Variants in NRAP observed in about 807,000 individuals in gnomAD.
NRAP encodes nebulin related anchoring protein.
NRAP carries 189 observed loss-of-function variants against 225.9 expected under a neutral mutation model. The observed-to-expected ratio is 0.84, with a 90% CI of 0.74 to 0.94. NRAP has a LOEUF of 0.94. NRAP is among the 40% of genes least tolerant of loss of function. The pLI is 0.00. For synonymous variants in NRAP, 769 were observed against 790.7 expected, an observed-to-expected ratio of 0.97 and a Z score of 0.46; for missense variants, 2,176 against 2,168.7, an observed-to-expected ratio of 1.00 and a Z score of -0.07.
intron 12 of NRAP, among the ~76,000 whole-genome samples, chr10:113,642,324 AT>A (rs1231991943): frequency 6.6e-6 from 1 of 152,186 alleles, no homozygotes; most frequent in Non-Finnish European, 1.5e-5. Flanking sequence ...AAGCCACTAC[AT>A]TTATGCAAAA....
intron 14 of NRAP, among the ~76,000 whole-genome samples, chr10:113,638,007 G>A (rs891529553): frequency 2.6e-5 from 4 of 152,124 alleles, no homozygotes; most frequent in African/African-American, 9.7e-5. Context: ...TGGACATGGG[G>A]TGTGTAGAGA....
intron 31 of NRAP, 132 bp from the exon 32 acceptor site, chr10:113,608,644 G>A (rs1847143107): frequency 1.6e-6 from 1 of 641,442 alleles, no homozygotes; most frequent in Non-Finnish European, 2.8e-6. Context: ...CCAGAATCCA[G>A]ATTGTCACCT....
At chr10:113,607,996 C>T (rs1847098966) in intron 32 of NRAP, among the ~76,000 whole-genome samples, 1 of 152,216 alleles carries the variant, frequency 6.6e-6, no homozygotes, top group Non-Finnish European at 1.5e-5. Flanking sequence ...CACAAATCCT[C>T]CCACATCAGA....
At chr10:113,629,501 T>C (rs777445968) in intron 19 of NRAP, 87 bp downstream of exon 19, 12 of 926,114 alleles carry the variant, frequency 1.3e-5, no homozygotes, top group Non-Finnish European at 2.1e-5. Flanking sequence ...AGTTATGTAA[T>C]AGACTCGTGC....
At chr10:113,624,398 G>A (rs1260169598) in intron 22 of NRAP, among the ~76,000 whole-genome samples, 2 of 152,146 alleles carry the variant, frequency 1.3e-5, no homozygotes, top group Non-Finnish European at 2.9e-5. Context: ...GTAAGGACGG[G>A]ACTAATATTG....
chr10:113,595,572 G>T, intron 38 of NRAP, 51 bp downstream of exon 38: 1 of 1,184,032 alleles, frequency 8.4e-7, no homozygotes, highest in Non-Finnish European at 1.3e-6. Flanking sequence ...ATTGGGCACA[G>T]ATCATTTTAC....
chr10:113,606,608 C>A (rs1380095084), intron 32 of NRAP, among the ~76,000 whole-genome samples: 1 of 152,160 alleles, frequency 6.6e-6, no homozygotes, highest in East Asian at 1.9e-4. Flanking sequence ...GCATAAAGAT[C>A]ATACAAAGAC....
intron 26 of NRAP, among the ~76,000 whole-genome samples, chr10:113,616,697 G>A (rs1847683686): frequency 6.6e-6 from 1 of 152,216 alleles, no homozygotes; most frequent in Non-Finnish European, 1.5e-5. Context: ...ACAAGGAAGA[G>A]AATTTTGAAA....
Position 113,589,715 on chromosome 10 carries a change from C to A in NRAP, c.5039G>T (p.Arg1680Leu). ...CCTTGCGTTGGCCAGTTCCGCAGCC[C>A]GCCGAGCCATTTCCACTTTGTAGGA... ...PGSYKVEMARRAAELANARGL... is the reference protein window; with the variant it reads ...PGSYKVEMARLAAELANARGL... Residue 1680 changes from arginine (R) to leucine (L), a missense_variant, in exon 41 of 42, where the codon CGG becomes CTG. This residue lies in a region of NRAP where 445 missense variants were observed against 426.1 expected (regional missense o/e 1.04). Transcript: ENST00000359988. 2 of 1,614,144 alleles carry A rather than the reference C, an allele frequency of 1.2e-6. No homozygotes were observed. Among genetic ancestry groups the A allele is most frequent in the Non-Finnish European group, 1.7e-6 (2 of 1,180,036 alleles).
At chr10:113,641,519 T>C (rs1288305965) in intron 12 of NRAP, 47 bp from the exon 13 acceptor site, 2 of 1,151,380 alleles carry the variant, frequency 1.7e-6, no homozygotes, top group Non-Finnish European at 2.6e-6. Context: ...CCTTCACAAG[T>C]AGTTGAAGAT....
At chr10:113,605,052 C>T in intron 34 of NRAP, 132 bp from the exon 35 acceptor site, 3 of 871,430 alleles carry the variant, frequency 3.4e-6, no homozygotes, top group Non-Finnish European at 5.2e-6. Flanking sequence ...TGAGAGTGTG[C>T]CTTCCTCCCT....
In NRAP at chr10:113,592,276, T is replaced by C. The variant is rs547358674; in HGVS notation, c.4562A>G (p.Gln1521Arg). 5.0e-6 allele frequency: 8 copies of C among 1,612,806 alleles called. No individual in the cohort carries two copies. The African/African-American group carries it at 9.3e-5, about 19-fold the overall frequency. Reference protein sequence around the residue: ...SDKVYRNSWEQTRAGSYDFRL... With the variant: ...SDKVYRNSWERTRAGSYDFRL... ...GAAGTCATAACTGCCAGCCCGGGTCTGCTCCCAGGAGTTTCTGTAGACTTT... is the reference window on the plus strand; with the variant it reads ...GAAGTCATAACTGCCAGCCCGGGTCCGCTCCCAGGAGTTTCTGTAGACTTT... The change falls in exon 39 of 42, where the codon CAG becomes CGG. Residue 1521 changes from glutamine (Q) to arginine (R), a missense_variant. By Grantham distance (43) the Gln-to-Arg change is conservative. This residue lies in a region of NRAP where 445 missense variants were observed against 426.1 expected (regional missense o/e 1.04). Transcript: ENST00000359988.
At chr10:113,617,383 C>T (rs1037547894) in intron 26 of NRAP, 72 bp downstream of exon 26, 1 of 951,186 alleles carries the variant, frequency 1.1e-6, no homozygotes, top group African/African-American at 1.6e-5. Context: ...CCCAAGAACC[C>T]CTCCGCTTCA....
At position 113,588,874 on chromosome 10, in the gene NRAP, C is replaced by T; in HGVS notation, c.*101G>A. On this transcript the variant is annotated 3_prime_UTR_variant, in exon 42 of 42. Transcript: ENST00000359988. ...TTAATAAAGGAAGATCTGGGATGGG[C>T]TGGTGGGCCATTCCAGCTTGCCGAA... The T allele has an allele frequency of 3.7e-6, 3 of 805,070 alleles. No individual in the cohort carries two copies. The South Asian group carries it at 4.6e-5, about 12-fold the overall frequency. The allele number at this position is 805,070 out of a possible 1,614,324, so 49.9% of individuals were successfully genotyped here. A position where few individuals can be genotyped will look rare whatever the true frequency, so the allele number is the denominator to read the frequency against.
At chr10:113,639,211 T>C (rs1232175990) in intron 14 of NRAP, among the ~76,000 whole-genome samples, 3 of 152,020 alleles carry the variant, frequency 2.0e-5, no homozygotes, top group Non-Finnish European at 2.9e-5. Flanking sequence ...TTTAGGCCCC[T>C]GATCAATTCC....
chr10:113,609,058 G>C (rs1023456164), intron 31 of NRAP, among the ~76,000 whole-genome samples: 1 of 152,326 alleles, frequency 6.6e-6, no homozygotes, highest in Non-Finnish European at 1.5e-5. Flanking sequence ...TACTTGGGAG[G>C]CTGAGGCAGG....
chr10:113,597,212 G>T, intron 36 of NRAP, 28 bp from the exon 37 acceptor site: 1 of 1,404,708 alleles, frequency 7.1e-7, no homozygotes, highest in Non-Finnish European at 1.0e-6. Context: ...AGATTCTCAT[G>T]AAACACAGTC....
rs1448537654 is a variant in NRAP at position 113,640,233 on chromosome 10, C to T, written c.1422G>A (p.Leu474=). 1.9e-6 allele frequency: 3 copies of T among 1,588,636 alleles called. No homozygotes were observed. The South Asian group carries it at 3.4e-5, about 18-fold the overall frequency. ...CTGTTGGAAAAGAACTTACATCTTTCAAGGGCACCAGTTTCATAGCTGTTT... is the reference window on the plus strand; with the variant it reads ...CTGTTGGAAAAGAACTTACATCTTTTAAGGGCACCAGTTTCATAGCTGTTT... The part of the protein sequence containing the change: ...SYQTAMKLVP[L]KDANYRQSID... The change falls in exon 14 of 42, where the codon TTG becomes TTA. Residue 474 remains leucine, a synonymous_variant. Coordinates refer to ENST00000359988, the MANE Select transcript of NRAP (RefSeq NM_198060.4).
Position 113,620,602 on chromosome 10 carries a change from A to G in NRAP, c.2874+2T>C, listed in dbSNP as rs113289840. 8.8e-6 allele frequency: 14 copies of G among 1,596,566 alleles called. No homozygotes were observed. Among genetic ancestry groups the G allele is most frequent in the Middle Eastern group, 3.3e-4 (2 of 6,040 alleles). ...CTGTTACAGGCTGTCAGGAAATCTC[A>G]CCTCGCTAATGAGTTCTCCTGCCTT... On this transcript the variant is annotated splice_donor_variant, in intron 25 of 41. Transcript: ENST00000359988. LOFTEE classifies it high-confidence loss of function.
Sources: gnomAD v4.1 joint callset for allele counts (sites outside exome capture counted in the v4.1 genomes callset) on GRCh38, gnomAD v4.1.1 for gene constraint, gnomAD v4.1.1 regional missense constraint, MANE v1.5 for transcripts, NCBI Gene and HGNC (gene_info 2026-07-23, HGNC 2026-07-21) for gene names.